MICU1: variants seen among roughly 807,000 people sequenced by gnomAD.
MICU1 encodes mitochondrial calcium uptake 1.
In MICU1, 45 loss-of-function variants were observed where a neutral mutation model predicts 56.8. The observed-to-expected ratio is 0.79, with a 90% CI of 0.62 to 1.02. MICU1 has a LOEUF of 1.02. MICU1 is among the 50% of genes least tolerant of loss of function. The pLI is 0.00. For synonymous variants in MICU1, 186 were observed against 195.1 expected (o/e 0.95, Z 0.39); for missense variants, 504 against 587.1 (o/e 0.86, Z 1.46).
At chr10:72,531,816 C>CA (rs1162365185) in intron 5 of MICU1, 1 of 150,042 alleles carries the variant, frequency 6.7e-6, no homozygotes, top group Admixed American at 6.6e-5. Context: ...TCATACATAA[C>CA]AAAAAAACAT....
At chr10:72,432,593 G>A (rs1474490552) in intron 8 of MICU1, among the ~76,000 whole-genome samples, 1 of 152,212 alleles carries the variant, frequency 6.6e-6, no homozygotes, top group Non-Finnish European at 1.5e-5. Context: ...AACAGACATG[G>A]TGGAAGTTGA....
chr10:72,458,778 C>T (rs1000097304), intron 8 of MICU1, among the ~76,000 whole-genome samples: 5 of 150,854 alleles, frequency 3.3e-5, no homozygotes, highest in East Asian at 3.9e-4. Flanking sequence ...GTCACGATCA[C>T]GGCTCACTGC....
chr10:72,555,022 A>C (rs1453693133), intron 3 of MICU1, among the ~76,000 whole-genome samples: 2 of 152,172 alleles, frequency 1.3e-5, no homozygotes, highest in African/African-American at 4.8e-5. Context: ...CTCAAAACAA[A>C]ACAAAACATA....
At chr10:72,615,685 C>CAAA in intron 1 of MICU1, among the ~76,000 whole-genome samples, 1 of 152,170 alleles carries the variant, frequency 6.6e-6, no homozygotes, top group Non-Finnish European at 1.5e-5. Context: ...TTCCATGTCT[C>CAAA]TATTTAACAT....
At chr10:72,591,849 C>A (rs1839737062) in intron 1 of MICU1, among the ~76,000 whole-genome samples, 1 of 151,696 alleles carries the variant, frequency 6.6e-6, no homozygotes, top group Non-Finnish European at 1.5e-5. Context: ...CCATCTCTAC[C>A]AAAAATACAA....
intron 10 of MICU1, among the ~76,000 whole-genome samples, chr10:72,385,679 G>C (rs950939814): frequency 2.0e-5 from 3 of 152,080 alleles, no homozygotes; most frequent in Non-Finnish European, 2.9e-5. Context: ...CGTGCCCCCC[G>C]CCCAGTATTT....
At chr10:72,523,935 T>C (rs932308523) in intron 5 of MICU1, 28 of 1,465,110 alleles carry the variant, frequency 1.9e-5, no homozygotes, top group Non-Finnish European at 2.5e-5. Context: ...TAATAAAGTC[T>C]TTCTAGGTGT....
intron 11 of MICU1, 107 bp downstream of exon 11, chr10:72,375,676 G>A (rs1478912653): frequency 6.0e-6 from 6 of 1,000,864 alleles, no homozygotes; most frequent in Non-Finnish European, 8.6e-6. Context: ...GTAGCTTGAA[G>A]AGGATGGGCT....
intron 10 of MICU1, among the ~76,000 whole-genome samples, chr10:72,403,618 A>G (rs577914317): frequency 6.7e-6 from 1 of 149,156 alleles, no homozygotes; most frequent in East Asian, 1.9e-4. Context: ...AAAAAATATT[A>G]CATACCAAAA....
At chr10:72,387,689 C>T (rs1443871058) in intron 10 of MICU1, among the ~76,000 whole-genome samples, 1 of 150,066 alleles carries the variant, frequency 6.7e-6, no homozygotes, top group Non-Finnish European at 1.5e-5. Context: ...CTTAGAACTT[C>T]TAAGCTAATA....
intron 10 of MICU1, among the ~76,000 whole-genome samples, chr10:72,389,945 G>T: frequency 6.6e-6 from 1 of 152,212 alleles, no homozygotes; most frequent in Non-Finnish European, 1.5e-5. Flanking sequence ...TTTATGCCCA[G>T]TGTGCGTACG....
chr10:72,541,255 C>G (rs1207383442), intron 4 of MICU1, among the ~76,000 whole-genome samples: 1 of 152,178 alleles, frequency 6.6e-6, no homozygotes, highest in South Asian at 2.1e-4. Flanking sequence ...ACCAAAGCAA[C>G]CTTTGTAAAA....
chr10:72,586,270 C>A (rs1017957605), intron 1 of MICU1, among the ~76,000 whole-genome samples: 1 of 151,938 alleles, frequency 6.6e-6, no homozygotes, highest in East Asian at 2.0e-4. Flanking sequence ...CCTTAGCCTC[C>A]CAAAGTTCTG....
intron 6 of MICU1, among the ~76,000 whole-genome samples, chr10:72,500,253 CATACATACATATATAT>C (rs1427536046): frequency 2.8e-4 from 14 of 49,952 alleles, no homozygotes; most frequent in African/African-American, 1.7e-3. Context: ...TATATACATA[CATACATACATATATAT>C]ATATATATAT....
At chr10:72,396,379 C>T (rs1863260727) in intron 10 of MICU1, among the ~76,000 whole-genome samples, 1 of 151,972 alleles carries the variant, frequency 6.6e-6, no homozygotes, top group Admixed American at 6.6e-5. Flanking sequence ...CGCCTCTTCT[C>T]CTCCAAAGGA....
At chr10:72,562,601 G>T in intron 3 of MICU1, 1 of 226,276 alleles carries the variant, frequency 4.4e-6, no homozygotes, top group Non-Finnish European at 8.5e-6. Context: ...TAACATATAT[G>T]ATAACATTTA....
At chr10:72,547,730 C>T (rs1839932074) in intron 4 of MICU1, among the ~76,000 whole-genome samples, 1 of 152,076 alleles carries the variant, frequency 6.6e-6, no homozygotes, top group Non-Finnish European at 1.5e-5. Context: ...TGGATGCAAT[C>T]AGTAAAATCC....
chr10:72,475,475 C>G (rs778656037), intron 7 of MICU1, among the ~76,000 whole-genome samples, 178 bp from the exon 8 acceptor site: 9 of 151,344 alleles, frequency 5.9e-5, no homozygotes, highest in Non-Finnish European at 1.3e-4. Flanking sequence ...GTCACCCAGT[C>G]TGGAGTGCAG....
chr10:72,623,345 G>A (rs1284262613), intron 1 of MICU1, among the ~76,000 whole-genome samples: 4 of 143,910 alleles, frequency 2.8e-5, no homozygotes, highest in African/African-American at 5.2e-5. Context: ...AAGGGAAGGG[G>A]AGGGGAGGGA....
Sources: allele counts gnomAD v4.1 joint callset (sites outside exome capture counted in the v4.1 genomes callset), GRCh38; gene constraint gnomAD v4.1.1; transcripts MANE v1.5; gene names NCBI Gene and HGNC (gene_info 2026-07-23, HGNC 2026-07-21).